Variants in ZZZ3 observed in about 807,000 individuals in gnomAD.
ZZZ3 encodes the protein ZZ-type zinc finger-containing protein 3.
Under a neutral mutation model 95.2 loss-of-function variants are expected in ZZZ3, and 22 were observed. The ratio of observed to expected loss-of-function variants is 0.23; its 90% CI spans 0.17 to 0.33. ZZZ3 has a LOEUF of 0.33. ZZZ3 is among the 10% of genes least tolerant of loss of function. The pLI, the probability that ZZZ3 is intolerant of heterozygous loss-of-function variation, is 1.00. For missense variants in ZZZ3, 885 were observed against 1,066.5 expected, an observed-to-expected ratio of 0.83 and a Z score of 2.37; for synonymous variants, 335 against 358.9, an observed-to-expected ratio of 0.93 and a Z score of 0.75.
In ZZZ3 at chr1:77,579,904, G is replaced by A. The variant is rs189478401; in HGVS notation, c.1981-276C>T. On this transcript the variant is annotated intron_variant, in intron 9 of 14. Coordinates refer to ENST00000370801, the MANE Select transcript of ZZZ3 (RefSeq NM_015534.6). ...TATCTCATAAGAAAACAGAAAATAA[G>A]TAAACAAATTGGTAGATTACACATT... is the stretch of plus-strand genomic sequence containing the variant. The A allele has an allele frequency of 4.2e-3, 815 of 191,806 alleles. 9 individuals carry two copies. The highest frequency in any genetic ancestry group is 0.028 in the South Asian group (186 of 6,658). 11.9% of individuals were successfully genotyped at this position (191,806 alleles called of 1,614,324 possible). A position where few individuals can be genotyped will look rare whatever the true frequency, so the allele number is the denominator to read the frequency against.
intron 1 of ZZZ3, among the ~76,000 whole-genome samples, chr1:77,681,550 C>G (rs1421060070): frequency 6.6e-6 from 1 of 152,134 alleles, no homozygotes; most frequent in African/African-American, 2.4e-5. Context: ...AAAGCTCAAA[C>G]TCTGATGCCA....
chr1:77,661,820 A>AT (rs1167416110), intron 1 of ZZZ3, among the ~76,000 whole-genome samples: 4 of 151,730 alleles, frequency 2.6e-5, no homozygotes, highest in East Asian at 1.9e-4. Context: ...CTAACAAGGA[A>AT]TTTTTTTTGT....
chr1:77,626,402 C>A (rs959373116), intron 5 of ZZZ3, among the ~76,000 whole-genome samples: 8 of 152,084 alleles, frequency 5.3e-5, no homozygotes, highest in African/African-American at 1.9e-4. Context: ...TCAGTGGGAG[C>A]CCTAAGCTTG....
At chr1:77,569,526 T>G (rs1298440066) in intron 12 of ZZZ3, among the ~76,000 whole-genome samples, 1 of 152,146 alleles carries the variant, frequency 6.6e-6, no homozygotes, top group Admixed American at 6.5e-5. Context: ...TTAAAATTGC[T>G]GACAACACTG....
chr1:77,618,733 T>C (rs1327519090), intron 5 of ZZZ3, among the ~76,000 whole-genome samples: 2 of 152,230 alleles, frequency 1.3e-5, no homozygotes, highest in Admixed American at 1.3e-4. Flanking sequence ...ACCTTAACTT[T>C]ATTGTCCTTG....
At chr1:77,565,934 A>C in intron 14 of ZZZ3, 147 bp downstream of exon 14, 2 of 1,110,528 alleles carry the variant, frequency 1.8e-6, no homozygotes, top group Non-Finnish European at 1.3e-6. Context: ...GTATGATTAC[A>C]GAAAAAAATT....
At chr1:77,575,921 T>C in intron 12 of ZZZ3, 147 bp downstream of exon 12, 1 of 569,666 alleles carries the variant, frequency 1.8e-6, no homozygotes, top group Non-Finnish European at 2.8e-6. Context: ...GTTTGAAATT[T>C]TCCTCACAAA....
chr1:77,620,055 C>T (rs1234738008), intron 5 of ZZZ3, among the ~76,000 whole-genome samples: 2 of 151,988 alleles, frequency 1.3e-5, no homozygotes, highest in African/African-American at 4.8e-5. Flanking sequence ...ATAACTACAA[C>T]ACAGCACACA....
At chr1:77,630,757 A>G (rs1667731347) in intron 5 of ZZZ3, among the ~76,000 whole-genome samples, 1 of 151,990 alleles carries the variant, frequency 6.6e-6, no homozygotes, top group Non-Finnish European at 1.5e-5. Flanking sequence ...AGACCACTGT[A>G]TTACCATATA....
At chr1:77,573,361 A>G (rs1393829286) in intron 12 of ZZZ3, among the ~76,000 whole-genome samples, 1 of 151,902 alleles carries the variant, frequency 6.6e-6, no homozygotes, top group Non-Finnish European at 1.5e-5. Context: ...ACCTCAGGTG[A>G]TCTGCCCACC....
intron 12 of ZZZ3, among the ~76,000 whole-genome samples, chr1:77,573,832 T>TA (rs1275945692): frequency 6.6e-6 from 1 of 152,086 alleles, no homozygotes; most frequent in African/African-American, 2.4e-5. Flanking sequence ...CAATTCTATA[T>TA]AATCAGAGTA....
intron 5 of ZZZ3, among the ~76,000 whole-genome samples, chr1:77,627,294 T>C (rs987753322): frequency 2.6e-5 from 4 of 152,224 alleles, no homozygotes; most frequent in African/African-American, 7.2e-5. Flanking sequence ...ACTGTCATGA[T>C]AGTCAAATGA....
At chr1:77,665,817 C>T (rs1471935702) in intron 1 of ZZZ3, among the ~76,000 whole-genome samples, 2 of 151,986 alleles carry the variant, frequency 1.3e-5, no homozygotes, top group Non-Finnish European at 2.9e-5. Context: ...CCGAGGCGGG[C>T]GGATCACCTG....
In ZZZ3 at chr1:77,571,912, G is replaced by T. The variant is rs1661430239; in HGVS notation, c.2332-3446C>A. Among the ~76,000 whole-genome samples the T allele has an allele frequency of 2.6e-5, 4 of 152,100 alleles. No individual in the cohort carries two copies. In the South Asian group the frequency reaches 8.3e-4, roughly 32 times the overall value. On this transcript the variant is annotated intron_variant, in intron 12 of 14. Transcript: ENST00000370801. ...GTATACTATAAAAATGGTGAGGATG[G>T]TAAATTTCATGTTATGTGTATTTCA...
chr1:77,613,580 TA>T (rs1218532123), intron 5 of ZZZ3, among the ~76,000 whole-genome samples: 1 of 152,102 alleles, frequency 6.6e-6, no homozygotes, highest in Non-Finnish European at 1.5e-5. Flanking sequence ...GTCTCCTCTC[TA>T]GTGTTGCTAT....
chr1:77,629,391 G>A (rs1298965945), intron 5 of ZZZ3, among the ~76,000 whole-genome samples: 1 of 152,202 alleles, frequency 6.6e-6, no homozygotes, highest in Admixed American at 6.5e-5. Context: ...GCCAAGGCGG[G>A]CAGATCGCTC....
intron 10 of ZZZ3, among the ~76,000 whole-genome samples, 155 bp from the exon 11 acceptor site, chr1:77,579,024 CAT>C (rs1052570827): frequency 6.6e-5 from 10 of 152,084 alleles, no homozygotes; most frequent in South Asian, 2.1e-4. Flanking sequence ...ACCAAATACA[CAT>C]ATATTTTAAA....
intron 1 of ZZZ3, among the ~76,000 whole-genome samples, chr1:77,642,104 T>C (rs1668830051): frequency 6.6e-6 from 1 of 152,194 alleles, no homozygotes; most frequent in Non-Finnish European, 1.5e-5. Flanking sequence ...TTTAAACATC[T>C]GATATCTTTC....
rs569280131 is a variant in ZZZ3 at position 77,680,108 on chromosome 1, A to G, written c.-403+2477T>C. Among the ~76,000 whole-genome samples the G allele has an allele frequency of 9.8e-5, 15 of 152,368 alleles. No individual in the cohort carries two copies. In the South Asian group the frequency reaches 2.7e-3, roughly 27 times the overall value. ...CAATTTCCCACTTCTAAAAATAATA[A>G]TAAAACGTACTTAACAAATGTTATT... On this transcript the variant is annotated intron_variant, in intron 1 of 14. Coordinates refer to ENST00000370801, the MANE Select transcript of ZZZ3 (RefSeq NM_015534.6).
Sources: gnomAD v4.1 joint callset for allele counts (sites outside exome capture counted in the v4.1 genomes callset) on GRCh38, gnomAD v4.1.1 for gene constraint, MANE v1.5 for transcripts, NCBI Gene and HGNC (gene_info 2026-07-23, HGNC 2026-07-21) for gene names.